FAM135B: variants seen among roughly 807,000 people sequenced by gnomAD.
FAM135B encodes the protein protein FAM135B.
A neutral mutation model predicts 127.7 loss-of-function variants in FAM135B; 43 were observed. The ratio of observed to expected loss-of-function variants is 0.34; its 90% CI spans 0.26 to 0.43. FAM135B has a LOEUF of 0.43. Ranked by LOEUF, FAM135B falls within the 20% of genes least tolerant of loss-of-function variation. FAM135B has a pLI of 1.00. For synonymous variants in FAM135B, 670 were observed against 665.1 expected (o/e 1.01, Z -0.11); for missense variants, 1,558 against 1,725.6 (o/e 0.90, Z 1.72).
At chr8:138,408,247 TA>T (rs1563977288) in intron 1 of FAM135B, among the ~76,000 whole-genome samples, 1 of 152,174 alleles carries the variant, frequency 6.6e-6, no homozygotes, top group African/African-American at 2.4e-5. Context: ...TAAGGCTGTT[TA>T]TATCTACACT....
At chr8:138,225,245 TAGAA>T (rs903509955) in intron 7 of FAM135B, among the ~76,000 whole-genome samples, 3 of 151,686 alleles carry the variant, frequency 2.0e-5, no homozygotes, top group African/African-American at 4.8e-5. Context: ...AAAAAATAAA[TAGAA>T]AGAAAATTAG....
chr8:138,360,761 C>T (rs945032202), intron 2 of FAM135B, among the ~76,000 whole-genome samples: 5 of 152,096 alleles, frequency 3.3e-5, no homozygotes, highest in African/African-American at 1.2e-4. Flanking sequence ...TTTCCAGGAA[C>T]TTCTAGTACA....
chr8:138,251,266 G>A, intron 5 of FAM135B, among the ~76,000 whole-genome samples: 1 of 152,110 alleles, frequency 6.6e-6, no homozygotes, highest in East Asian at 1.9e-4. Flanking sequence ...CACTGTCACG[G>A]ACATCAAGTT....
chr8:138,149,371 C>A (rs142742330), intron 13 of FAM135B, among the ~76,000 whole-genome samples: 91 of 152,210 alleles, frequency 6.0e-4, no homozygotes, highest in Non-Finnish European at 1.1e-3. Context: ...GCTTGGCCTT[C>A]CCCTGCTTCT....
intron 1 of FAM135B, among the ~76,000 whole-genome samples, chr8:138,453,491 C>T (rs1187086216): frequency 6.6e-6 from 1 of 151,914 alleles, no homozygotes; most frequent in East Asian, 1.9e-4. Context: ...TGCCCATTCC[C>T]TGCTGGTCCC....
chr8:138,318,595 T>C (rs1442148697), intron 2 of FAM135B, among the ~76,000 whole-genome samples: 1 of 152,162 alleles, frequency 6.6e-6, no homozygotes, highest in African/African-American at 2.4e-5. Flanking sequence ...AGCCACAGAG[T>C]TGGCAAAGGG....
At chr8:138,447,704 T>C (rs944101160) in intron 1 of FAM135B, among the ~76,000 whole-genome samples, 4 of 151,752 alleles carry the variant, frequency 2.6e-5, no homozygotes, top group Non-Finnish European at 5.9e-5. Flanking sequence ...ATATACCTAA[T>C]GTAAATGACA....
intron 2 of FAM135B, among the ~76,000 whole-genome samples, chr8:138,336,875 C>T (rs1030004847): frequency 3.9e-5 from 6 of 152,022 alleles, no homozygotes; most frequent in Non-Finnish European, 8.8e-5. Flanking sequence ...ACTGGCAAAC[C>T]GAATCCAGCA....
At chr8:138,470,503 ATT>A (rs1244772517) in intron 1 of FAM135B, among the ~76,000 whole-genome samples, 1 of 152,166 alleles carries the variant, frequency 6.6e-6, no homozygotes, top group African/African-American at 2.4e-5. Flanking sequence ...ATTAGATTGA[ATT>A]TGTTTTTTAA....
intron 1 of FAM135B, among the ~76,000 whole-genome samples, chr8:138,372,406 C>T (rs1191115832): frequency 6.6e-6 from 1 of 152,176 alleles, no homozygotes; most frequent in Non-Finnish European, 1.5e-5. Flanking sequence ...CCCCTGAAGC[C>T]TATGTCTAGA....
intron 1 of FAM135B, among the ~76,000 whole-genome samples, chr8:138,436,261 G>A (rs541500091): frequency 1.3e-5 from 2 of 152,174 alleles, no homozygotes. Flanking sequence ...AACTCGGTAA[G>A]ATCAATGGAT....
chr8:138,216,513 G>A (rs1290423322), intron 7 of FAM135B, among the ~76,000 whole-genome samples: 1 of 152,142 alleles, frequency 6.6e-6, no homozygotes, highest in African/African-American at 2.4e-5. Context: ...TGCAGGTAAG[G>A]GGTGCTGGGT....
At chr8:138,146,914 A>T (rs1817703347) in intron 14 of FAM135B, among the ~76,000 whole-genome samples, 1 of 152,184 alleles carries the variant, frequency 6.6e-6, no homozygotes, top group Admixed American at 6.5e-5. Flanking sequence ...CATAGTTCCA[A>T]AATAGTTTGT....
At chr8:138,339,499 G>T (rs1017597743) in intron 2 of FAM135B, among the ~76,000 whole-genome samples, 1 of 151,868 alleles carries the variant, frequency 6.6e-6, no homozygotes, top group Non-Finnish European at 1.5e-5. Context: ...GGATGTATTA[G>T]AGTCAGGAAA....
intron 2 of FAM135B, among the ~76,000 whole-genome samples, chr8:138,324,703 G>C (rs1418038517): frequency 6.6e-6 from 1 of 152,220 alleles, no homozygotes; most frequent in Non-Finnish European, 1.5e-5. Flanking sequence ...AACAAGGTAA[G>C]ATTGAGAGAA....
At chr8:138,165,436 T>G (rs1563716907) in intron 12 of FAM135B, among the ~76,000 whole-genome samples, 1 of 151,910 alleles carries the variant, frequency 6.6e-6, no homozygotes, top group Non-Finnish European at 1.5e-5. Flanking sequence ...ACTAATTTAT[T>G]AAAAAAATAG....
chr8:138,167,067 T>C (rs536880781), intron 12 of FAM135B, among the ~76,000 whole-genome samples: 5 of 152,020 alleles, frequency 3.3e-5, no homozygotes, highest in Admixed American at 1.3e-4. Flanking sequence ...ATTCACCTAA[T>C]GTGCACAGCT....
intron 12 of FAM135B, among the ~76,000 whole-genome samples, chr8:138,156,726 A>G (rs1200651676): frequency 6.6e-6 from 1 of 152,120 alleles, no homozygotes; most frequent in African/African-American, 2.4e-5. Flanking sequence ...GGACACATAC[A>G]CCCTCCCAAG....
chr8:138,413,409 G>A (rs886428904), intron 1 of FAM135B, among the ~76,000 whole-genome samples: 8 of 152,096 alleles, frequency 5.3e-5, no homozygotes, highest in African/African-American at 1.9e-4. Flanking sequence ...TTTAAAGTTT[G>A]TCTCATCCAG....
Sources: gnomAD v4.1 joint callset for allele counts (sites outside exome capture counted in the v4.1 genomes callset) on GRCh38, gnomAD v4.1.1 for gene constraint, MANE v1.5 for transcripts, NCBI Gene and HGNC (gene_info 2026-07-23, HGNC 2026-07-21) for gene names.